Variants in KIAA0825 observed in about 807,000 individuals in gnomAD.
KIAA0825 encodes the protein uncharacterized protein KIAA0825.
A neutral mutation model predicts 147.6 loss-of-function variants in KIAA0825; 119 were observed. The ratio of observed to expected loss-of-function variants is 0.81; its 90% CI spans 0.69 to 0.94. The LOEUF (loss-of-function observed/expected upper bound fraction) is 0.94, where lower values mean the gene tolerates loss of function less well. KIAA0825 is among the 40% of genes least tolerant of loss of function. The probability of loss-of-function intolerance (pLI) is 0.00; values close to 1 mark genes in which losing one functional copy is unlikely to be tolerated. For synonymous variants in KIAA0825, 470 were observed against 518.1 expected (o/e 0.91, Z 1.26); for missense variants, 1,381 against 1,472.7 (o/e 0.94, Z 1.02).
chr5:94,274,951 C>T (rs1368911254), intron 20 of KIAA0825, among the ~76,000 whole-genome samples: 1 of 152,068 alleles, frequency 6.6e-6, no homozygotes, highest in Non-Finnish European at 1.5e-5. Context: ...GGCTCAGGCT[C>T]CAGCTCACTC....
At chr5:94,317,804 A>G (rs1231801392) in intron 20 of KIAA0825, among the ~76,000 whole-genome samples, 1 of 151,862 alleles carries the variant, frequency 6.6e-6, no homozygotes, top group African/African-American at 2.4e-5. Context: ...TATTGTCTAT[A>G]TTTTTTAAAT....
At chr5:94,260,997 A>G (rs1195798240) in intron 20 of KIAA0825, among the ~76,000 whole-genome samples, 2 of 152,132 alleles carry the variant, frequency 1.3e-5, no homozygotes, top group African/African-American at 4.8e-5. Flanking sequence ...GATAACAGCA[A>G]AATTCAGTTT....
Position 94,322,959 on chromosome 5 carries a change from T to G in KIAA0825, c.3710+61409A>C, listed in dbSNP as rs79203996. Among the ~76,000 whole-genome samples the G allele has an allele frequency of 1.1e-3, 162 of 151,996 alleles. 4 individuals carry two copies. In the East Asian group the frequency reaches 0.03, roughly 28 times the overall value. ...TGTTAAAAGAAATTAAGCTCCTGAT[T>G]TCTTGGGTTTTTTAAATGGCTTACG... On this transcript the variant is annotated intron_variant, in intron 20 of 20. Transcript: ENST00000682413.
intron 3 of KIAA0825, among the ~76,000 whole-genome samples, chr5:94,524,351 G>A (rs1468890962): frequency 6.6e-6 from 1 of 151,626 alleles, no homozygotes; most frequent in Non-Finnish European, 1.5e-5. Flanking sequence ...ATTCTTTTGT[G>A]TTGAAACAAA....
At chr5:94,238,542 T>C (rs1290743435) in intron 20 of KIAA0825, among the ~76,000 whole-genome samples, 1 of 152,208 alleles carries the variant, frequency 6.6e-6, no homozygotes. Context: ...ACTTATGTTT[T>C]TCTAATCATG....
rs532426526 is a variant in KIAA0825, at chr5:94,151,286, G to A, written c.*2721C>T. On this transcript the variant is annotated 3_prime_UTR_variant, in exon 21 of 21. Transcript: ENST00000682413. Reference sequence around the variant, plus strand: ...CAAAAAAGTAGCCGGGCGCGGTGGCGGGCGCCTGTAGTCCCAGCTACTCGG... The same window carrying A: ...CAAAAAAGTAGCCGGGCGCGGTGGCAGGCGCCTGTAGTCCCAGCTACTCGG... Among the ~76,000 whole-genome samples the A allele has an allele frequency of 1.7e-4, 26 of 150,712 alleles. No homozygotes were observed. Among genetic ancestry groups the A allele is most frequent in the Middle Eastern group, 3.4e-3 (1 of 290 alleles).
At chr5:94,614,412 A>C (rs998852397) in intron 1 of KIAA0825, among the ~76,000 whole-genome samples, 4 of 152,164 alleles carry the variant, frequency 2.6e-5, no homozygotes, top group African/African-American at 9.7e-5. Flanking sequence ...CCTCCACCCC[A>C]TCCTAGTTAT....
At chr5:94,339,315 T>C (rs1180491148) in intron 20 of KIAA0825, among the ~76,000 whole-genome samples, 2 of 152,162 alleles carry the variant, frequency 1.3e-5, no homozygotes. Context: ...TCTTCCCAGA[T>C]GAGTTTTAGT....
chr5:94,280,841 A>T (rs1397796815), intron 20 of KIAA0825, among the ~76,000 whole-genome samples: 1 of 152,120 alleles, frequency 6.6e-6, no homozygotes, highest in Non-Finnish European at 1.5e-5. Context: ...GGAGTTTGGA[A>T]AAAGAAGCCC....
chr5:94,194,852 C>G (rs1429725750), intron 20 of KIAA0825, among the ~76,000 whole-genome samples: 1 of 152,190 alleles, frequency 6.6e-6, no homozygotes, highest in African/African-American at 2.4e-5. Flanking sequence ...TTAATCACTT[C>G]TGTCTTGTAT....
intron 16 of KIAA0825, among the ~76,000 whole-genome samples, chr5:94,397,612 T>C (rs1475432309): frequency 6.6e-6 from 1 of 152,126 alleles, no homozygotes; most frequent in South Asian, 2.1e-4. Flanking sequence ...CAACTTTGGG[T>C]TGGATGATCC....
At chr5:94,383,723 A>C (rs987430529) in intron 20 of KIAA0825, among the ~76,000 whole-genome samples, 5 of 152,122 alleles carry the variant, frequency 3.3e-5, no homozygotes, top group African/African-American at 1.2e-4. Context: ...ACTTTTGTGC[A>C]AAATAAATTA....
intron 20 of KIAA0825, among the ~76,000 whole-genome samples, chr5:94,224,176 C>T (rs1376839493): frequency 1.4e-5 from 2 of 142,300 alleles, no homozygotes; most frequent in African/African-American, 5.1e-5. Context: ...TCACTACAAC[C>T]TCCACCTCTG....
At chr5:94,532,651 C>T (rs908435105) in intron 3 of KIAA0825, among the ~76,000 whole-genome samples, 2 of 151,552 alleles carry the variant, frequency 1.3e-5, no homozygotes, top group Admixed American at 1.3e-4. Flanking sequence ...CTCAGCCTCC[C>T]AAGTAGCTAG....
chr5:94,163,523 T>C (rs567844076), intron 20 of KIAA0825, among the ~76,000 whole-genome samples: 20 of 152,178 alleles, frequency 1.3e-4, no homozygotes, highest in African/African-American at 4.6e-4. Context: ...AGAGTAGAAC[T>C]ATCAAAAAAG....
chr5:94,298,921 T>G (rs1031639127), intron 20 of KIAA0825, among the ~76,000 whole-genome samples: 1 of 152,134 alleles, frequency 6.6e-6, no homozygotes, highest in Non-Finnish European at 1.5e-5. Flanking sequence ...AAGCTTTCCT[T>G]TTTTATCAGC....
intron 6 of KIAA0825, 32 bp downstream of exon 6, chr5:94,484,737 G>T: frequency 7.3e-7 from 1 of 1,365,244 alleles, no homozygotes. Context: ...AGAAATTATA[G>T]ATTTACAAAT....
chr5:94,324,521 A>C (rs1475960629), intron 20 of KIAA0825, among the ~76,000 whole-genome samples: 1 of 152,032 alleles, frequency 6.6e-6, no homozygotes, highest in East Asian at 1.9e-4. Flanking sequence ...ATTCTTTGTT[A>C]CTACCAGTTT....
chr5:94,402,586 G>A (rs1439795407), intron 16 of KIAA0825, among the ~76,000 whole-genome samples: 4 of 151,834 alleles, frequency 2.6e-5, no homozygotes, highest in Non-Finnish European at 1.5e-5. Flanking sequence ...ACAATATTTA[G>A]GATCTCCATG....
Sources: allele counts gnomAD v4.1 joint callset (sites outside exome capture counted in the v4.1 genomes callset), GRCh38; gene constraint gnomAD v4.1.1; transcripts MANE v1.5; gene names NCBI Gene and HGNC (gene_info 2026-07-23, HGNC 2026-07-21).